Variants in STXBP3 observed in about 807,000 individuals in gnomAD.
The protein encoded by STXBP3 is syntaxin binding protein 3.
STXBP3 carries 41 observed loss-of-function variants against 85.7 expected under a neutral mutation model. That is an observed-to-expected ratio of 0.48 (90% CI 0.37 to 0.62). STXBP3 has a LOEUF of 0.62. Among genes scored for constraint, STXBP3 ranks in the 20% least tolerant of loss-of-function variants. STXBP3 has a pLI of 0.00. For missense variants in STXBP3, 563 were observed against 703.1 expected (o/e 0.80, Z 2.25); for synonymous variants, 229 against 231.7 (o/e 0.99, Z 0.10).
intron 11 of STXBP3, among the ~76,000 whole-genome samples, chr1:108,783,793 T>A (rs1250900962): frequency 6.6e-6 from 1 of 152,226 alleles, no homozygotes; most frequent in Non-Finnish European, 1.5e-5. Context: ...AATTGAGTGC[T>A]CTAGTTGCTC....
In STXBP3 at chr1:108,796,332, T is replaced by C. The variant is rs765197239; in HGVS notation, c.1209T>C (p.Asp403=). 5.0e-6 allele frequency: 8 copies of C among 1,591,056 alleles called. No individual in the cohort carries two copies. The highest frequency in any genetic ancestry group is 1.7e-5 in the Admixed American group (1 of 59,866). The stretch of plus-strand genomic sequence containing the variant: ...TCAACAAAAATCATGATAATTGTGA[T>C]AAAATAAGAGCAATTCTACTTTATA... ...VLLNKNHDNC[D]KIRAILLYIF... is the part of the protein sequence containing the mutation. Residue 403 remains aspartate (D), a synonymous_variant, in exon 14 of 19, where the codon GAT becomes GAC. Transcript: ENST00000370008.
At position 108,809,047 on chromosome 1, in the gene STXBP3, ATAATT is replaced by A; in HGVS notation, c.*174_*178del. 1 of 522,070 alleles carries A rather than the reference ATAATT, an allele frequency of 1.9e-6. No homozygotes were observed. The highest frequency in any genetic ancestry group is 3.9e-5 in the Admixed American group (1 of 25,658). The allele number at this position is 522,070 out of a possible 1,614,324, so 32.3% of individuals were successfully genotyped here. A position where few individuals can be genotyped will look rare whatever the true frequency, so the allele number is the denominator to read the frequency against. The stretch of plus-strand genomic sequence containing the variant: ...ATTATTACTGGATTTGTCATTTTTG[ATAATT>A]TAAATATTGCTGCTGCTTTGTAGAT... On this transcript the variant is annotated 3_prime_UTR_variant, in exon 19 of 19. Transcript: ENST00000370008.
intron 7 of STXBP3, among the ~76,000 whole-genome samples, chr1:108,774,395 A>G (rs1438719251): frequency 6.6e-6 from 1 of 152,144 alleles, no homozygotes; most frequent in Non-Finnish European, 1.5e-5. Context: ...TGTCTTTTAA[A>G]AAGTCCTTTA....
chr1:108,752,925 T>C, intron 2 of STXBP3, 138 bp from the exon 3 acceptor site: 1 of 526,864 alleles, frequency 1.9e-6, no homozygotes, highest in Non-Finnish European at 3.3e-6. Flanking sequence ...TCATGCAAGA[T>C]AAAAGATGAG....
At chr1:108,763,990 A>C (rs1195809634) in intron 6 of STXBP3, among the ~76,000 whole-genome samples, 1 of 152,102 alleles carries the variant, frequency 6.6e-6, no homozygotes, top group African/African-American at 2.4e-5. Context: ...CCCAGGTACT[A>C]AGCCTAGTAC....
chr1:108,751,646 A>G (rs945738134), intron 1 of STXBP3, among the ~76,000 whole-genome samples: 3 of 152,146 alleles, frequency 2.0e-5, no homozygotes, highest in Admixed American at 1.3e-4. Flanking sequence ...TAGAACAGAT[A>G]TTTGTATAAA....
Position 108,798,147 on chromosome 1 carries a change from T to C in STXBP3, c.1359T>C (p.Ser453=). ...SYLGVPIVPQ[S]QQGKPLRKDR... is the part of the protein sequence containing the mutation. ...TTTTTTTCCTCTAATTGTATTAGTC[T>C]CAACAAGGCAAACCGTTAAGAAAGG... The change falls in exon 16 of 19, where the codon TCT becomes TCC. Residue 453 remains serine, a splice_region_variant and synonymous_variant. Coordinates refer to ENST00000370008, the MANE Select transcript of STXBP3 (RefSeq NM_007269.4). 6.2e-7 allele frequency: 1 copy of C among 1,605,052 alleles called. No homozygotes were observed. The highest frequency in any genetic ancestry group is 8.5e-7 in the Non-Finnish European group (1 of 1,176,922).
chr1:108,754,033 CTTT>C (rs35931069), intron 3 of STXBP3, among the ~76,000 whole-genome samples: 6 of 133,792 alleles, frequency 4.5e-5, no homozygotes, highest in Non-Finnish European at 6.2e-5. Context: ...ATAAAATAAT[CTTT>C]TTTTTTTTTT....
intron 7 of STXBP3, among the ~76,000 whole-genome samples, chr1:108,775,387 A>G (rs931536168): frequency 6.6e-6 from 1 of 152,076 alleles, no homozygotes; most frequent in Non-Finnish European, 1.5e-5. Flanking sequence ...GGTAAACGGG[A>G]TATCTATCAC....
intron 3 of STXBP3, among the ~76,000 whole-genome samples, chr1:108,754,637 T>C (rs1333561529): frequency 1.3e-5 from 2 of 152,186 alleles, no homozygotes; most frequent in Non-Finnish European, 2.9e-5. Context: ...TCACTATTAA[T>C]AGATATTCTT....
intron 16 of STXBP3, 151 bp downstream of exon 16, chr1:108,798,388 C>A: frequency 2.3e-5 from 7 of 305,820 alleles, no homozygotes; most frequent in East Asian, 6.5e-5. Flanking sequence ...ATCTGGGAAA[C>A]TCTTGAAGAT....
At chr1:108,798,887 C>T (rs1478717270) in intron 16 of STXBP3, among the ~76,000 whole-genome samples, 1 of 151,976 alleles carries the variant, frequency 6.6e-6, no homozygotes, top group Non-Finnish European at 1.5e-5. Flanking sequence ...GTATGTGGAC[C>T]ACTATTAAAA....
intron 16 of STXBP3, among the ~76,000 whole-genome samples, chr1:108,799,150 G>T (rs1759492): frequency 0.78 from 118,698 of 152,110 alleles, 46,584 homozygotes; most frequent in East Asian, 0.97. Context: ...TACTTTCTTT[G>T]GGGAGCTAAT....
intron 9 of STXBP3, chr1:108,780,920 A>G (rs1662704621): frequency 6.6e-6 from 1 of 151,628 alleles, no homozygotes; most frequent in African/African-American, 2.4e-5. Flanking sequence ...AGTGTGCACC[A>G]CTGCGCCTGG....
At chr1:108,748,653 GA>G (rs1329156081) in intron 1 of STXBP3, among the ~76,000 whole-genome samples, 3 of 152,090 alleles carry the variant, frequency 2.0e-5, no homozygotes, top group Non-Finnish European at 4.4e-5. Flanking sequence ...GCAACATGGT[GA>G]AACTCTCTCT....
chr1:108,779,195 G>C, intron 8 of STXBP3, 91 bp from the exon 9 acceptor site: 1 of 1,382,550 alleles, frequency 7.2e-7, no homozygotes, highest in Non-Finnish European at 9.8e-7. Context: ...ACAGAACTTA[G>C]GAAAAGGGTG....
At chr1:108,748,508 C>A (rs1661839800) in intron 1 of STXBP3, among the ~76,000 whole-genome samples, 2 of 151,924 alleles carry the variant, frequency 1.3e-5, no homozygotes, top group Non-Finnish European at 2.9e-5. Flanking sequence ...GGTGACAGAG[C>A]AAGACCCTGA....
chr1:108,767,034 C>A, intron 6 of STXBP3: 1 of 460,234 alleles, frequency 2.2e-6, no homozygotes, highest in Non-Finnish European at 4.4e-6. Context: ...AACCATCACA[C>A]AGTCCACAGG....
intron 1 of STXBP3, among the ~76,000 whole-genome samples, 159 bp from the exon 2 acceptor site, chr1:108,752,098 A>G (rs916822037): frequency 5.9e-5 from 9 of 152,180 alleles, no homozygotes; most frequent in African/African-American, 1.7e-4. Flanking sequence ...TAGGCTAGGT[A>G]TTAGAATTGG....
Sources: gnomAD v4.1 joint callset for allele counts (sites outside exome capture counted in the v4.1 genomes callset) on GRCh38, gnomAD v4.1.1 for gene constraint, MANE v1.5 for transcripts, NCBI Gene and HGNC (gene_info 2026-07-23, HGNC 2026-07-21) for gene names.